The following ELMO1 variants were observed in gnomAD, a reference collection of about 807,000 sequenced individuals.
The protein encoded by ELMO1 is engulfment and cell motility protein 1.
A neutral mutation model predicts 98.9 loss-of-function variants in ELMO1; 26 were observed. The ratio of observed to expected loss-of-function variants is 0.26; its 90% confidence interval spans 0.19 to 0.36. ELMO1 has a LOEUF of 0.36. ELMO1 is among the 10% of genes least tolerant of loss of function. The pLI is 1.00. For missense variants in ELMO1, 627 were observed against 935.2 expected, an observed-to-expected ratio of 0.67 and a Z score of 4.30; for synonymous variants, 346 against 346.0, an observed-to-expected ratio of 1.00 and a Z score of 0.00.
chr7:37,040,534 G>A (rs752641578), intron 15 of ELMO1, among the ~76,000 whole-genome samples: 1 of 152,204 alleles, frequency 6.6e-6, no homozygotes, highest in Non-Finnish European at 1.5e-5. Flanking sequence ...GTGACACGCA[G>A]AACTCTGTGG....
At chr7:36,984,927 C>T (rs538842202) in intron 16 of ELMO1, 2 of 985,324 alleles carry the variant, frequency 2.0e-6, no homozygotes, top group Admixed American at 6.1e-5. Flanking sequence ...TTCCTCTCCC[C>T]GTTCAGAATG....
chr7:36,930,872 G>A (rs543708392), intron 16 of ELMO1, among the ~76,000 whole-genome samples: 38 of 152,240 alleles, frequency 2.5e-4, no homozygotes, highest in African/African-American at 7.9e-4. Flanking sequence ...AAGGGGACAC[G>A]CAGAAAAATT....
chr7:37,423,610 A>C (rs1319822401), intron 1 of ELMO1, among the ~76,000 whole-genome samples: 1 of 150,820 alleles, frequency 6.6e-6, no homozygotes, highest in Non-Finnish European at 1.5e-5. Context: ...CAAACAAACA[A>C]ACACCTCACA....
At chr7:37,442,641 T>C (rs968206249) in intron 1 of ELMO1, among the ~76,000 whole-genome samples, 4 of 152,224 alleles carry the variant, frequency 2.6e-5, no homozygotes, top group Non-Finnish European at 4.4e-5. Flanking sequence ...GAAGAATCCA[T>C]TGACTCTCAA....
chr7:37,188,501 A>AAATAATAATAATAAT (rs57721398), intron 13 of ELMO1, among the ~76,000 whole-genome samples: 1 of 125,960 alleles, frequency 7.9e-6, no homozygotes, highest in East Asian at 2.2e-4. Context: ...AAAAAAAAAA[A>AAATAATAATAATAAT]AATAATAATA....
intron 13 of ELMO1, among the ~76,000 whole-genome samples, chr7:37,169,386 A>C (rs1001181496): frequency 1.3e-5 from 2 of 152,184 alleles, no homozygotes; most frequent in Admixed American, 1.3e-4. Flanking sequence ...TAGTGAGATG[A>C]ACCCGGTACC....
At chr7:37,125,621 G>A (rs1409718892) in intron 14 of ELMO1, among the ~76,000 whole-genome samples, 1 of 152,160 alleles carries the variant, frequency 6.6e-6, no homozygotes, top group Non-Finnish European at 1.5e-5. Context: ...CAGTTAGAAT[G>A]GCAATCATTA....
At chr7:37,333,463 T>C (rs59937794) in intron 2 of ELMO1, among the ~76,000 whole-genome samples, 20,678 of 152,220 alleles carry the variant, frequency 0.14, 1,513 homozygotes, top group Non-Finnish European at 0.17. Flanking sequence ...AGCACCCACC[T>C]ACAGAGCAAA....
chr7:37,388,888 T>C (rs1386415698), intron 1 of ELMO1, among the ~76,000 whole-genome samples: 1 of 152,224 alleles, frequency 6.6e-6, no homozygotes, highest in Non-Finnish European at 1.5e-5. Flanking sequence ...TTGGGAGGGA[T>C]AGCTTTAAGT....
chr7:37,071,903 C>T (rs1203432387), intron 15 of ELMO1, among the ~76,000 whole-genome samples: 5 of 152,102 alleles, frequency 3.3e-5, no homozygotes, highest in African/African-American at 7.2e-5. Flanking sequence ...CACACGCACA[C>T]GTGCACACAC....
intron 13 of ELMO1, among the ~76,000 whole-genome samples, chr7:37,171,481 C>CTTTTTTT (rs71553100): frequency 0.011 from 472 of 44,138 alleles, 44 homozygotes; most frequent in East Asian, 0.023. Context: ...CCAGGCCTTT[C>CTTTTTTT]TATTTTTTTT....
At chr7:37,214,738 G>C (rs1793182308) in intron 11 of ELMO1, among the ~76,000 whole-genome samples, 1 of 152,174 alleles carries the variant, frequency 6.6e-6, no homozygotes, top group African/African-American at 2.4e-5. Context: ...TTAACTCATG[G>C]CACACACTTA....
At chr7:37,204,344 T>A in intron 13 of ELMO1, 1 of 413,094 alleles carries the variant, frequency 2.4e-6, no homozygotes, top group Non-Finnish European at 4.8e-6. Flanking sequence ...TCTCGCTGAC[T>A]TCAAGAGTGA....
In ELMO1 at chr7:36,954,744, T is replaced by C. The variant is rs971690240; in HGVS notation, c.1437+58555A>G. On this transcript the variant is annotated intron_variant, in intron 16 of 21. Coordinates refer to ENST00000310758, the MANE Select transcript of ELMO1 (RefSeq NM_014800.11). ...TACTGGATGCACATAACTTTTAAGA[T>C]CTTTTAGGACAGTTTCTACAAGAAA... 7.9e-5 allele frequency among the ~76,000 whole-genome samples: 12 copies of C among 152,296 alleles called. No homozygotes were observed. The South Asian group carries it at 2.5e-3, about 32-fold the overall frequency.
intron 15 of ELMO1, among the ~76,000 whole-genome samples, chr7:37,038,817 G>A (rs1446447561): frequency 6.6e-6 from 1 of 152,222 alleles, no homozygotes; most frequent in African/African-American, 2.4e-5. Context: ...TTCCTGGCTT[G>A]CAGATGGAAG....
At chr7:37,146,821 A>G (rs1374703359) in intron 13 of ELMO1, among the ~76,000 whole-genome samples, 1 of 152,184 alleles carries the variant, frequency 6.6e-6, no homozygotes, top group Non-Finnish European at 1.5e-5. Flanking sequence ...GTTGGCACTG[A>G]TACTGATGGG....
chr7:37,415,605 C>T (rs1804181257), intron 1 of ELMO1, among the ~76,000 whole-genome samples: 1 of 152,128 alleles, frequency 6.6e-6, no homozygotes, highest in African/African-American at 2.4e-5. Flanking sequence ...AAGCAGGCAG[C>T]ACAGTACCTG....
intron 5 of ELMO1, chr7:37,270,882 C>CTCACACACACACACACACACAG (rs1796514095): frequency 1.7e-5 from 1 of 60,564 alleles, no homozygotes; most frequent in Non-Finnish European, 4.3e-5. Flanking sequence ...CTCTCTCTCT[C>CTCACACACACACACACACACAG]ACACACACAC....
At chr7:37,236,823 T>A (rs1030832449) in intron 7 of ELMO1, among the ~76,000 whole-genome samples, 7 of 152,166 alleles carry the variant, frequency 4.6e-5, no homozygotes, top group African/African-American at 1.7e-4. Flanking sequence ...TTACTGAACC[T>A]TGACATAGGT....
Sources: gnomAD v4.1 joint callset for allele counts (sites outside exome capture counted in the v4.1 genomes callset) on GRCh38, gnomAD v4.1.1 for gene constraint, MANE v1.5 for transcripts, NCBI Gene and HGNC (gene_info 2026-07-23, HGNC 2026-07-21) for gene names.